The following HCFC1 variants were observed in gnomAD, a reference collection of about 807,000 sequenced individuals.
The protein encoded by HCFC1 is host cell factor C1, also known as host cell factor 1.
A neutral mutation model predicts 105.5 loss-of-function variants in HCFC1; 7 were observed. That is an observed-to-expected ratio of 0.07 (90% confidence interval 0.04 to 0.12). The LOEUF is 0.12. HCFC1 is among the 10% of genes least tolerant of loss of function. HCFC1 has a pLI of 1.00. For missense variants in HCFC1, 1,065 were observed against 1,823.6 expected, an observed-to-expected ratio of 0.58 and a Z score of 7.58; for synonymous variants, 918 against 828.1, an observed-to-expected ratio of 1.11 and a Z score of -1.86.
At chrX:153,959,299 A>C (rs201652925) in intron 9 of HCFC1, 32 bp downstream of exon 9, 169 of 1,173,948 alleles carry the variant, frequency 1.4e-4, no homozygotes, top group Middle Eastern at 4.8e-4. Context: ...GATCAACAGG[A>C]AATCCCACCC....
chrX:153,951,544 G>A, intron 21 of HCFC1, 45 bp downstream of exon 21: 1 of 1,205,842 alleles, frequency 8.3e-7, no homozygotes, highest in Non-Finnish European at 1.1e-6. Context: ...AGGCAGTGCT[G>A]CCCCCCAGGC....
At chrX:153,955,782 G>A (rs1187528048) in intron 16 of HCFC1, among the ~76,000 whole-genome samples, 1 of 112,941 alleles carries the variant, frequency 8.9e-6, no homozygotes, top group African/African-American at 3.2e-5. Flanking sequence ...GACAGGGCAA[G>A]GGGAAGGCAG....
At chrX:153,962,471 A>G (rs967953216) in intron 4 of HCFC1, among the ~76,000 whole-genome samples, 165 bp from the exon 5 acceptor site, 1 of 112,120 alleles carries the variant, frequency 8.9e-6, no homozygotes, top group Admixed American at 9.4e-5. Context: ...CATGGTAGCT[A>G]GATTCCTGTG....
Position 153,952,125 on chromosome X carries a change from G to A in HCFC1, c.4976C>T (p.Ala1659Val). 2 of 1,138,271 alleles carry A rather than the reference G, an allele frequency of 1.8e-6. No homozygotes were observed. The highest frequency in any genetic ancestry group is 2.3e-6 in the Non-Finnish European group (2 of 861,281). The allele number at this position is 1,138,271 out of a possible 1,213,427, so 93.8% of individuals were successfully genotyped here. A position where few individuals can be genotyped will look rare whatever the true frequency, so the allele number is the denominator to read the frequency against. ...CAGCTCCGCCTGAGTCACGGTTGCT[G>A]CTGCCTCGGAGGTGTCCATGGGCTC... ...TGEPMDTSEA[A>V]ATVTQAELGH... Residue 1659 changes from alanine (A) to valine (V), a missense_variant, in exon 20 of 26, where the codon GCA (alanine) becomes GTA (valine). Coordinates refer to ENST00000310441, the MANE Select transcript of HCFC1 (RefSeq NM_005334.3).
chrX:153,960,450 G>A, intron 6 of HCFC1, 36 bp from the exon 7 acceptor site: 2 of 1,087,466 alleles, frequency 1.8e-6, no homozygotes, highest in Non-Finnish European at 1.2e-6. Context: ...CAGCAAGGAG[G>A]ATGGAGGAAA....
In HCFC1 at chrX:153,970,746, G is replaced by A; in HGVS notation, c.95C>T (p.Pro32Leu). ...GGCCACGGCGCGGTGGCCGTGGCGG[G>A]GCCGTGGCACCGGACCCGACCAGCC... ...VVGWSGPVPR[P>L]RHGHRAVAIK... Residue 32 changes from proline (P) to leucine (L), a missense_variant, in exon 1 of 26, where the codon CCC (proline) becomes CTC (leucine). Transcript: ENST00000310441. 1 of 1,208,103 alleles carries A rather than the reference G, an allele frequency of 8.3e-7. No homozygotes were observed. Among genetic ancestry groups the A allele is most frequent in the East Asian group, 3.0e-5 (1 of 33,660 alleles).
intron 6 of HCFC1, 120 bp downstream of exon 6, chrX:153,961,422 G>A (rs1219810168): frequency 6.3e-6 from 3 of 478,537 alleles, no homozygotes; most frequent in Non-Finnish European, 1.1e-5. Context: ...CCTTCCAGTG[G>A]ATTCCAAAGG....
chrX:153,965,056 A>G (rs1055974688), intron 1 of HCFC1, among the ~76,000 whole-genome samples: 19 of 110,427 alleles, frequency 1.7e-4, no homozygotes, highest in Admixed American at 1.3e-3. Context: ...TTCTCCCCAA[A>G]ATACCCTCTT....
chrX:153,969,814 CT>C (rs1423319786), intron 1 of HCFC1: 1 of 113,127 alleles, frequency 8.8e-6, no homozygotes, highest in African/African-American at 3.2e-5. Flanking sequence ...GGGTAACCCC[CT>C]GGATCCGCAG....
chrX:153,956,214 T>C lies in HCFC1; in HGVS notation c.2833A>G (p.Thr945Ala). Residue 945 changes from threonine to alanine, a missense_variant, in exon 16 of 26, where the codon ACA (threonine) becomes GCA (alanine). By Grantham distance (58) the Thr-to-Ala change is moderately conservative. This residue lies in a region of HCFC1 where 137 missense variants were observed against 378.2 expected (regional missense o/e 0.36). Transcript: ENST00000310441. ...QTTLTAAGGL[T>A]TPTITMQPVS... ...ACCTGCATGGTGATGGTTGGGGTTG[T>C]GAGCCCGCCTGCCGCTGTCAGCGTG... is the stretch of plus-strand genomic sequence containing the variant. 1 of 1,211,559 alleles carries C rather than the reference T, an allele frequency of 8.3e-7. No homozygotes were observed.
At chrX:153,953,429 G>A (rs907541343) in intron 18 of HCFC1, among the ~76,000 whole-genome samples, 178 bp downstream of exon 18, 10 of 112,475 alleles carry the variant, frequency 8.9e-5, no homozygotes, top group Non-Finnish European at 1.5e-4. Flanking sequence ...AGATGCGGGG[G>A]ACGGTGAGGC....
intron 24 of HCFC1, among the ~76,000 whole-genome samples, chrX:153,949,893 G>A (rs1454866799): frequency 1.8e-5 from 2 of 112,220 alleles, no homozygotes; most frequent in African/African-American, 6.5e-5. Context: ...CAGGGGAGCT[G>A]GAGCAGGAGC....
Position 153,956,124 on chromosome X carries a change from G to A in HCFC1, c.2856+67C>T, listed in dbSNP as rs56289369. 5,987 of 1,015,961 alleles carry A rather than the reference G, an allele frequency of 5.9e-3. 23 individuals carry two copies. The highest frequency in any genetic ancestry group is 7.2e-3 in the Non-Finnish European group (5,232 of 726,871). 83.7% of individuals were successfully genotyped at this position (1,015,961 alleles called of 1,213,427 possible). A position where few individuals can be genotyped will look rare whatever the true frequency, so the allele number is the denominator to read the frequency against. On this transcript the variant is annotated intron_variant, in intron 16 of 25. Coordinates refer to ENST00000310441, the MANE Select transcript of HCFC1 (RefSeq NM_005334.3). ...AAGGAAAGGCCTGTGGACGGACGGC[G>A]TGAGCCTCACGTGCTTCCACTTGTG...
intron 4 of HCFC1, among the ~76,000 whole-genome samples, chrX:153,962,751 G>A (rs2065440991): frequency 9.0e-6 from 1 of 111,651 alleles, no homozygotes; most frequent in Admixed American, 9.5e-5. Context: ...CAGCTGAAGA[G>A]GCCTCCGGAG....
chrX:153,952,313 TC>T (rs2065321326), intron 19 of HCFC1, among the ~76,000 whole-genome samples, 155 bp from the exon 20 acceptor site: 1 of 113,696 alleles, frequency 8.8e-6, no homozygotes, highest in Non-Finnish European at 1.9e-5. Context: ...CCTGCCTGTT[TC>T]CCAGGCGCTA....
intron 17 of HCFC1, 37 bp from the exon 18 acceptor site, chrX:153,953,807 GC>G (rs782287606): frequency 1.2e-5 from 14 of 1,153,860 alleles, no homozygotes; most frequent in Middle Eastern, 6.0e-4. Context: ...CTCAGCAGGA[GC>G]CCCCCCGGCC....
Position 153,955,274 on chromosome X carries a change from T to C in HCFC1, c.3125A>G (p.Gln1042Arg). ...ACAGACGAACTGCACTTGGGTGGGC[T>C]GGGGGTGTCCCCCAAGGTTAGCCAC... ...TVVANLGGHP[Q>R]PTQVQFVCDR... Residue 1042 changes from glutamine to arginine, a missense_variant, in exon 17 of 26, where the codon CAG (glutamine) becomes CGG (arginine). Physicochemically the swap from Gln to Arg is conservative, Grantham distance 43. Transcript: ENST00000310441. The C allele has an allele frequency of 2.5e-6, 3 of 1,210,544 alleles. No individual in the cohort carries two copies. Among genetic ancestry groups the C allele is most frequent in the Non-Finnish European group, 3.4e-6 (3 of 895,035 alleles).
chrX:153,957,664 C>T, intron 12 of HCFC1, 118 bp downstream of exon 12: 1 of 764,788 alleles, frequency 1.3e-6, no homozygotes, highest in Non-Finnish European at 2.0e-6. Context: ...GAGTGAGCAG[C>T]AGAACTTGCT....
chrX:153,955,273 C>T lies in HCFC1; in HGVS notation c.3126G>A (p.Gln1042=), dbSNP rs782501125. ...CACAGACGAACTGCACTTGGGTGGG[C>T]TGGGGGTGTCCCCCAAGGTTAGCCA... ...TVVANLGGHP[Q]PTQVQFVCDR... Residue 1042 remains glutamine (Q), a synonymous_variant, in exon 17 of 26, where the codon CAG becomes CAA. Transcript: ENST00000310441. 61 of 1,208,443 alleles carry T rather than the reference C, an allele frequency of 5.0e-5. No homozygotes were observed. The highest frequency in any genetic ancestry group is 4.8e-5 in the Non-Finnish European group (43 of 894,542).
Sources: gnomAD v4.1 joint callset for allele counts (sites outside exome capture counted in the v4.1 genomes callset) on GRCh38, gnomAD v4.1.1 for gene constraint, gnomAD v4.1.1 regional missense constraint, MANE v1.5 for transcripts, NCBI Gene and HGNC (gene_info 2026-07-23, HGNC 2026-07-21) for gene names.